The following MARK3 variants were observed in gnomAD, a reference collection of about 807,000 sequenced individuals.
MARK3 encodes the protein MAP/microtubule affinity-regulating kinase 3.
MARK3 carries 46 observed loss-of-function variants against 90.1 expected under a neutral mutation model. The ratio of observed to expected loss-of-function variants is 0.51; its 90% CI spans 0.40 to 0.65. The LOEUF (loss-of-function observed/expected upper bound fraction) is 0.65, where lower values mean the gene tolerates loss of function less well. MARK3 is among the 30% of genes least tolerant of loss of function. The pLI is 0.00. For synonymous variants in MARK3, 321 were observed against 332.6 expected (o/e 0.97, Z 0.38); for missense variants, 818 against 947.2 (o/e 0.86, Z 1.79).
At chr14:103,491,006 C>T in intron 14 of MARK3, 1 of 1,288,418 alleles carries the variant, frequency 7.8e-7, no homozygotes, top group South Asian at 1.2e-5. Context: ...GTACATCTAC[C>T]TGTCGGCTGA....
intron 4 of MARK3, among the ~76,000 whole-genome samples, chr14:103,449,556 G>A (rs968844615): frequency 1.3e-5 from 2 of 152,098 alleles, no homozygotes; most frequent in Non-Finnish European, 2.9e-5. Flanking sequence ...ATGGAATTGT[G>A]ATAGGAATTA....
Position 103,492,193 on chromosome 14 carries a change from C to T in MARK3, c.1844+159C>T, listed in dbSNP as rs145505606. ...TATATCTAACTTTATACTTTAAAAC[C>T]TTTAAAGTAGAAATTGTAGAGCTCA... On this transcript the variant is annotated intron_variant, in intron 15 of 17. Coordinates refer to ENST00000429436, the MANE Select transcript of MARK3 (RefSeq NM_001128918.3). 1.4e-3 allele frequency among the ~76,000 whole-genome samples: 212 copies of T among 152,220 alleles called. 1 individual carries two copies. Among genetic ancestry groups the T allele is most frequent in the African/African-American group, 4.9e-3 (205 of 41,524 alleles).
rs559499637 is a variant in MARK3 at position 103,502,094 on chromosome 14, A to C, written c.1917-788A>C. On this transcript the variant is annotated intron_variant, in intron 17 of 17. Coordinates refer to ENST00000429436, the MANE Select transcript of MARK3 (RefSeq NM_001128918.3). ...TGGCAATAATGACTAAATGCCAAGGAGTGGCTGGTAAACCGCGGTGTTCCC... is the reference window on the plus strand; with the variant it reads ...TGGCAATAATGACTAAATGCCAAGGCGTGGCTGGTAAACCGCGGTGTTCCC... Among the ~76,000 whole-genome samples the C allele has an allele frequency of 1.2e-3, 183 of 152,334 alleles. 2 individuals carry two copies. The South Asian group carries it at 0.013, about 11-fold the overall frequency.
chr14:103,462,440 G>T lies in MARK3; in HGVS notation c.519G>T (p.Arg173=). Residue 173 remains arginine, a synonymous_variant, in exon 7 of 18, where the codon CGG becomes CGT. Coordinates refer to ENST00000429436, the MANE Select transcript of MARK3 (RefSeq NM_001128918.3). ...CAGTTCAATACTGCCATCAGAAACGGATCGTACATCGAGACCTCAAGGTGA... is the reference window on the plus strand; with the variant it reads ...CAGTTCAATACTGCCATCAGAAACGTATCGTACATCGAGACCTCAAGGTGA... ...VSAVQYCHQK[R]IVHRDLKAEN... 2 of 1,604,566 alleles carry T rather than the reference G, an allele frequency of 1.2e-6. No homozygotes were observed. The highest frequency in any genetic ancestry group is 1.7e-6 in the Non-Finnish European group (2 of 1,172,188).
chr14:103,482,326 G>A (rs1238611986), intron 14 of MARK3, among the ~76,000 whole-genome samples: 1 of 151,566 alleles, frequency 6.6e-6, no homozygotes, highest in South Asian at 2.1e-4. Context: ...TTCGTGACCA[G>A]CCTGGCCAAC....
chr14:103,502,832 G>A, intron 17 of MARK3, 50 bp from the exon 18 acceptor site: 1 of 1,466,684 alleles, frequency 6.8e-7, no homozygotes, highest in Non-Finnish European at 9.4e-7. Flanking sequence ...AAGTGTAAGA[G>A]GTTGATTTTC....
chr14:103,417,021 G>T (rs959651540), intron 2 of MARK3, among the ~76,000 whole-genome samples: 1 of 152,134 alleles, frequency 6.6e-6, no homozygotes, highest in Admixed American at 6.6e-5. Context: ...TAATAGAATT[G>T]CCAGGCAGCC....
At chr14:103,488,478 CCTTTAT>C (rs1273893325) in intron 14 of MARK3, among the ~76,000 whole-genome samples, 2 of 152,138 alleles carry the variant, frequency 1.3e-5, no homozygotes, top group African/African-American at 2.4e-5. Flanking sequence ...TAAATTTTTG[CCTTTAT>C]AAGACATTTG....
intron 13 of MARK3, among the ~76,000 whole-genome samples, chr14:103,479,509 T>C (rs1343140759): frequency 6.6e-6 from 1 of 152,142 alleles, no homozygotes; most frequent in Non-Finnish European, 1.5e-5. Context: ...TAATAATTAT[T>C]TTATTATTTA....
At position 103,475,086 on chromosome 14, in the gene MARK3, G is replaced by A. The variant is rs751055252; in HGVS notation, c.1358G>A (p.Arg453Gln). The A allele has an allele frequency of 6.8e-6, 11 of 1,614,032 alleles. No homozygotes were observed. The highest frequency in any genetic ancestry group is 5.0e-5 in the Admixed American group (3 of 59,992). ...SDLKEDGISS[R>Q]KSSGSAVGGK... The stretch of plus-strand genomic sequence containing the variant: ...CTCAAAGAAGATGGAATTTCCTCCC[G>A]GAAATCAAGTGGCAGTGCTGTTGGA... Residue 453 changes from arginine to glutamine, a missense_variant, in exon 13 of 18, where the codon CGG becomes CAG. Physicochemically the swap from Arg to Gln is conservative, Grantham distance 43. Around this residue, in one of 3 missense-constraint regions of MARK3, gnomAD observed 560 missense variants for 613.5 expected, o/e 0.91. Coordinates refer to ENST00000429436, the MANE Select transcript of MARK3 (RefSeq NM_001128918.3).
At chr14:103,462,962 C>T (rs2093429937) in intron 7 of MARK3, among the ~76,000 whole-genome samples, 1 of 152,078 alleles carries the variant, frequency 6.6e-6, no homozygotes, top group Non-Finnish European at 1.5e-5. Flanking sequence ...CAGCACCTAC[C>T]CCCATCCATC....
In MARK3 at chr14:103,444,237, G is replaced by A. The variant is rs190573430; in HGVS notation, c.298-4682G>A. On this transcript the variant is annotated intron_variant, in intron 3 of 17. Transcript: ENST00000429436. ...CATGTTTCTTTACTTCTCTGATACC[G>A]TAGATTTAGTGTCCTTGATATCCCC... Among the ~76,000 whole-genome samples, 21 of 151,788 alleles carry A rather than the reference G, an allele frequency of 1.4e-4. No individual in the cohort carries two copies. The East Asian group carries it at 3.7e-3, about 27-fold the overall frequency.
chr14:103,450,877 TGTGTGTG>T (rs1464800934), intron 4 of MARK3, among the ~76,000 whole-genome samples: 2 of 13,020 alleles, frequency 1.5e-4, no homozygotes, highest in African/African-American at 4.3e-4. Flanking sequence ...ATTTTTAAAG[TGTGTGTG>T]TGTGTGTGTG....
At chr14:103,464,163 A>C (rs558241390) in intron 7 of MARK3, among the ~76,000 whole-genome samples, 1 of 152,178 alleles carries the variant, frequency 6.6e-6, no homozygotes, top group East Asian at 1.9e-4. Flanking sequence ...TTCCCTTCTA[A>C]ACTGTGAGCT....
intron 12 of MARK3, among the ~76,000 whole-genome samples, chr14:103,472,701 C>CTACT (rs1820421308): frequency 1.4e-5 from 2 of 147,314 alleles, no homozygotes; most frequent in African/African-American, 5.0e-5. Flanking sequence ...ATACCATGGA[C>CTACT]TACTACTCAC....
chr14:103,467,353 A>C, intron 11 of MARK3, 162 bp downstream of exon 11: 3 of 468,000 alleles, frequency 6.4e-6, no homozygotes, highest in South Asian at 3.2e-5. Flanking sequence ...ATTATAAGCT[A>C]TTTTAACTTA....
intron 12 of MARK3, among the ~76,000 whole-genome samples, chr14:103,473,655 A>G (rs2093667076): frequency 6.6e-6 from 1 of 152,196 alleles, no homozygotes; most frequent in South Asian, 2.1e-4. Flanking sequence ...ATTCAGTTCC[A>G]AATAGGTTTG....
At chr14:103,430,774 ATAT>A (rs2092559205) in intron 3 of MARK3, among the ~76,000 whole-genome samples, 2 of 152,160 alleles carry the variant, frequency 1.3e-5, no homozygotes, top group Admixed American at 1.3e-4. Context: ...TTGCAAATTG[ATAT>A]TATTTTCACA....
intron 3 of MARK3, among the ~76,000 whole-genome samples, chr14:103,447,517 G>C (rs2093026412): frequency 6.6e-6 from 1 of 152,114 alleles, no homozygotes; most frequent in African/African-American, 2.4e-5. Context: ...TTAGGAGACT[G>C]GGTTCCGGAC....
Sources: allele counts gnomAD v4.1 joint callset (sites outside exome capture counted in the v4.1 genomes callset), GRCh38; gene constraint gnomAD v4.1.1; regional missense constraint gnomAD v4.1.1; transcripts MANE v1.5; gene names NCBI Gene and HGNC (gene_info 2026-07-23, HGNC 2026-07-21).